The following LDLRAD3 variants were observed in gnomAD, a reference collection of about 807,000 sequenced individuals.
LDLRAD3 encodes low-density lipoprotein receptor class A domain-containing protein 3.
In LDLRAD3, 20 loss-of-function variants were observed where a neutral mutation model predicts 29.4. The ratio of observed to expected loss-of-function variants is 0.68; its 90% CI spans 0.48 to 0.99. The LOEUF is 0.99. LDLRAD3 is among the 50% of genes least tolerant of loss of function. The probability of loss-of-function intolerance (pLI) is 0.00; values close to 1 mark genes in which losing one functional copy is unlikely to be tolerated. For synonymous variants in LDLRAD3, 157 were observed against 192.7 expected, an observed-to-expected ratio of 0.81 and a Z score of 1.53; for missense variants, 420 against 454.3, an observed-to-expected ratio of 0.92 and a Z score of 0.69.
At chr11:36,010,566 A>G (rs1247895291) in intron 1 of LDLRAD3, among the ~76,000 whole-genome samples, 1 of 152,146 alleles carries the variant, frequency 6.6e-6, no homozygotes, top group East Asian at 1.9e-4. Flanking sequence ...TCAAAAACGG[A>G]TGATGTTGGC....
At chr11:36,079,015 G>T (rs1853065205) in intron 2 of LDLRAD3, among the ~76,000 whole-genome samples, 1 of 152,148 alleles carries the variant, frequency 6.6e-6, no homozygotes, top group Non-Finnish European at 1.5e-5. Context: ...TCTGGGAGCG[G>T]ATCCTACCAG....
chr11:36,037,217 C>CGTGGCCTGTCTGACAGGAGAACTAT (rs1478148351), intron 2 of LDLRAD3, among the ~76,000 whole-genome samples: 33 of 152,170 alleles, frequency 2.2e-4, no homozygotes, highest in African/African-American at 8.0e-4. Context: ...CACCAGGCCA[C>CGTGGCCTGTCTGACAGGAGAACTAT]GTGGCCTGTC....
At position 36,081,665 on chromosome 11, in the gene LDLRAD3, C is replaced by T. The variant is rs144306758; in HGVS notation, c.206C>T (p.Ser69Leu). The T allele has an allele frequency of 3.9e-5, 63 of 1,614,222 alleles. No homozygotes were observed. The East Asian group carries it at 9.8e-4, about 25-fold the overall frequency. The change falls in exon 3 of 6, where the codon TCG becomes TTG. Residue 69 changes from serine (S) to leucine (L), a missense_variant. Transcript: ENST00000315571. ...TTTCTTCCTGCAGCCAAGGCTAAGT[C>T]GAAATGTGGCCCAACCTTCTTCCCC... ...SDEKECPKAK[S>L]KCGPTFFPCA...
intron 2 of LDLRAD3, among the ~76,000 whole-genome samples, chr11:36,042,766 A>C (rs1260973828): frequency 6.6e-6 from 1 of 152,208 alleles, no homozygotes; most frequent in African/African-American, 2.4e-5. Context: ...ATATGTACAG[A>C]GGGAAGATGA....
Position 35,973,048 on chromosome 11 carries a change from AT to A in LDLRAD3, c.46+28905del, listed in dbSNP as rs1303654499. ...AGCCTGGGCAACAGAGCGAGACTCCATCTCAAAAAAAAAAAAAAAAAAAAAG... is the reference window on the plus strand; with the variant it reads ...AGCCTGGGCAACAGAGCGAGACTCCACTCAAAAAAAAAAAAAAAAAAAAAG... On this transcript the variant is annotated intron_variant, in intron 1 of 5. Transcript: ENST00000315571. Among the ~76,000 whole-genome samples the A allele has an allele frequency of 8.4e-5, 11 of 131,042 alleles. No homozygotes were observed. In the East Asian group the frequency reaches 2.6e-3, roughly 30 times the overall value. 86.0% of individuals were successfully genotyped at this position (131,042 alleles called of 152,430 possible).
intron 4 of LDLRAD3, among the ~76,000 whole-genome samples, chr11:36,100,475 T>C (rs772640344): frequency 5.9e-5 from 9 of 152,224 alleles, no homozygotes; most frequent in Non-Finnish European, 1.3e-4. Context: ...AGTCTTGCTC[T>C]GTCACCCAGG....
intron 4 of LDLRAD3, among the ~76,000 whole-genome samples, chr11:36,155,219 G>T (rs1854330545): frequency 6.6e-6 from 1 of 152,208 alleles, no homozygotes; most frequent in Non-Finnish European, 1.5e-5. Context: ...ACAACCCACA[G>T]ATCACGCTGT....
chr11:36,064,326 G>C (rs1464726144), intron 2 of LDLRAD3, among the ~76,000 whole-genome samples: 2 of 151,954 alleles, frequency 1.3e-5, no homozygotes, highest in Admixed American at 6.6e-5. Context: ...TTTTGAGACA[G>C]GATCTCACTC....
intron 2 of LDLRAD3, among the ~76,000 whole-genome samples, chr11:36,066,239 A>G (rs540913671): frequency 4.0e-5 from 6 of 150,212 alleles, no homozygotes; most frequent in African/African-American, 1.5e-4. Flanking sequence ...CAGTTGGATG[A>G]TACCTTTACT....
At chr11:36,088,692 G>A (rs1590257199) in intron 3 of LDLRAD3, among the ~76,000 whole-genome samples, 1 of 152,072 alleles carries the variant, frequency 6.6e-6, no homozygotes, top group East Asian at 1.9e-4. Flanking sequence ...TGGACTAGCC[G>A]AGCTAAAAGT....
chr11:36,046,155 A>G (rs1852447709), intron 2 of LDLRAD3, among the ~76,000 whole-genome samples: 2 of 152,004 alleles, frequency 1.3e-5, no homozygotes. Context: ...ATTCTTTTTT[A>G]TGGCTGCATA....
At chr11:36,080,694 T>A (rs1853099965) in intron 2 of LDLRAD3, among the ~76,000 whole-genome samples, 1 of 152,180 alleles carries the variant, frequency 6.6e-6, no homozygotes, top group African/African-American at 2.4e-5. Flanking sequence ...ATCATACTCA[T>A]GGCTGTGATT....
At chr11:36,138,089 G>T (rs1854028085) in intron 4 of LDLRAD3, among the ~76,000 whole-genome samples, 1 of 152,202 alleles carries the variant, frequency 6.6e-6, no homozygotes, top group African/African-American at 2.4e-5. Context: ...CAGGGAGTTG[G>T]GTCCAAGGCT....
chr11:36,129,146 T>C (rs947169053), intron 4 of LDLRAD3, among the ~76,000 whole-genome samples: 2 of 151,990 alleles, frequency 1.3e-5, no homozygotes, highest in Non-Finnish European at 2.9e-5. Flanking sequence ...CCTTCCCAGA[T>C]AGAAATGTCC....
At chr11:36,048,475 A>T (rs1852484146) in intron 2 of LDLRAD3, among the ~76,000 whole-genome samples, 1 of 151,942 alleles carries the variant, frequency 6.6e-6, no homozygotes, top group South Asian at 2.1e-4. Flanking sequence ...AAGACCCAAG[A>T]CTCTGGTTGG....
In LDLRAD3 at chr11:36,205,067, A is replaced by G. The variant is rs559265697; in HGVS notation, c.455-22018A>G. Among the ~76,000 whole-genome samples, 251 of 152,294 alleles carry G rather than the reference A, an allele frequency of 1.6e-3. 2 individuals carry two copies. The highest frequency in any genetic ancestry group is 1.9e-3 in the Non-Finnish European group (130 of 68,028). ...ATAAGTGACTTGAAACTAAGAGGAA[A>G]CTAAGATTTATAGTTTCCAAGCTCA... On this transcript the variant is annotated intron_variant, in intron 4 of 5. Transcript: ENST00000315571.
At chr11:35,946,729 G>C (rs1314302617) in intron 1 of LDLRAD3, among the ~76,000 whole-genome samples, 1 of 152,168 alleles carries the variant, frequency 6.6e-6, no homozygotes, top group Non-Finnish European at 1.5e-5. Context: ...CAGTGAAAAG[G>C]CTTGATTTTC....
At chr11:35,999,763 C>G (rs1851800185) in intron 1 of LDLRAD3, among the ~76,000 whole-genome samples, 1 of 152,188 alleles carries the variant, frequency 6.6e-6, no homozygotes, top group South Asian at 2.1e-4. Context: ...TCAAAGGCCC[C>G]CTGTGGTGCT....
At chr11:36,228,261 A>C (rs1390471214) in intron 5 of LDLRAD3, among the ~76,000 whole-genome samples, 1 of 152,198 alleles carries the variant, frequency 6.6e-6, no homozygotes, top group Non-Finnish European at 1.5e-5. Flanking sequence ...ATAGAAGGTG[A>C]ATAAAGTTTC....
Sources: gnomAD v4.1 joint callset for allele counts (sites outside exome capture counted in the v4.1 genomes callset) on GRCh38, gnomAD v4.1.1 for gene constraint, MANE v1.5 for transcripts, NCBI Gene and HGNC (gene_info 2026-07-23, HGNC 2026-07-21) for gene names.